Variants in PISD observed in about 807,000 individuals in gnomAD.
PISD encodes phosphatidylserine decarboxylase proenzyme, mitochondrial.
PISD carries 31 observed loss-of-function variants against 43.5 expected under a neutral mutation model. The observed-to-expected ratio is 0.71, with a 90% CI of 0.54 to 0.96. The LOEUF is 0.96. Among genes scored for constraint, PISD ranks in the 40% least tolerant of loss-of-function variants. The pLI, the probability that PISD is intolerant of heterozygous loss-of-function variation, is 0.00. For synonymous variants in PISD, 259 were observed against 228.7 expected, an observed-to-expected ratio of 1.13 and a Z score of -1.20; for missense variants, 523 against 548.4, an observed-to-expected ratio of 0.95 and a Z score of 0.46.
intron 3 of PISD, among the ~76,000 whole-genome samples, chr22:31,640,138 ACT>A (rs906745546): frequency 1.3e-5 from 2 of 151,008 alleles, no homozygotes; most frequent in African/African-American, 4.9e-5. Context: ...TAAAAGGAAC[ACT>A]CTGGGTCTTC....
intron 7 of PISD, 87 bp downstream of exon 7, chr22:31,620,466 C>A (rs2072484989): frequency 7.4e-7 from 1 of 1,356,616 alleles, no homozygotes; most frequent in Non-Finnish European, 1.0e-6. Context: ...AGAATTCAGT[C>A]CCAACGCATC....
chr22:31,657,614 C>T (rs1276550377), intron 1 of PISD, among the ~76,000 whole-genome samples: 1 of 152,072 alleles, frequency 6.6e-6, no homozygotes, highest in African/African-American at 2.4e-5. Flanking sequence ...CCTCTGACTC[C>T]CAGGTTCAAG....
At chr22:31,620,244 C>T (rs531989201) in intron 7 of PISD, among the ~76,000 whole-genome samples, 1 of 152,338 alleles carries the variant, frequency 6.6e-6, no homozygotes, top group African/African-American at 2.4e-5. Flanking sequence ...CTCAACACTC[C>T]CTTTCTGTTC....
chr22:31,635,589 G>A (rs1324111777), intron 3 of PISD, among the ~76,000 whole-genome samples: 2 of 152,188 alleles, frequency 1.3e-5, no homozygotes, highest in Non-Finnish European at 2.9e-5. Flanking sequence ...CAGCCACCAT[G>A]CCCCGCTGAG....
At chr22:31,626,767 C>T (rs1273447557) in intron 3 of PISD, among the ~76,000 whole-genome samples, 1 of 152,186 alleles carries the variant, frequency 6.6e-6, no homozygotes, top group African/African-American at 2.4e-5. Context: ...GCACAGATAG[C>T]GGAAGGAAGA....
Position 31,630,517 on chromosome 22 carries a change from C to G in PISD, c.322-8632G>C, listed in dbSNP as rs541995314. 113 of 167,700 alleles carry G rather than the reference C, an allele frequency of 6.7e-4. No individual in the cohort carries two copies. Among genetic ancestry groups the G allele is most frequent in the Middle Eastern group, 3.2e-3 (1 of 316 alleles). The allele number at this position is 167,700 out of a possible 1,614,324, so 10.4% of individuals were successfully genotyped here. A position where few individuals can be genotyped will look rare whatever the true frequency, so the allele number is the denominator to read the frequency against. On this transcript the variant is annotated intron_variant, in intron 3 of 7. Transcript: ENST00000439502. This position sits in a 1 kb window ranked among gnomAD's most constrained non-coding sequence, Gnocchi z 4.4. ...CACTTCCCGTACGCTCTTCACTTCC[C>G]GTACCCGCGCCCGGCAGGAGATAAG...
At chr22:31,635,431 T>C (rs2073399252) in intron 3 of PISD, among the ~76,000 whole-genome samples, 1 of 152,094 alleles carries the variant, frequency 6.6e-6, no homozygotes, top group Non-Finnish European at 1.5e-5. Flanking sequence ...GCCTCCCAAG[T>C]AGCTGGGACT....
At chr22:31,625,722 CG>C in intron 3 of PISD, 2 of 1,562,744 alleles carry the variant, frequency 1.3e-6, no homozygotes, top group Non-Finnish European at 1.7e-6. Flanking sequence ...GAGGTCGTGG[CG>C]GGGAACCGTG....
chr22:31,628,780 G>C (rs2073043597), intron 3 of PISD: 2 of 974,428 alleles, frequency 2.1e-6, no homozygotes, highest in South Asian at 4.7e-5. Context: ...CCATGGCCCA[G>C]AACAACTGCT....
In PISD at chr22:31,621,561, C is replaced by T. The variant is rs767532363; in HGVS notation, c.558+88G>A. The T allele has an allele frequency of 8.8e-6, 14 of 1,598,712 alleles. No individual in the cohort carries two copies. In the East Asian group the frequency reaches 2.5e-4, roughly 28 times the overall value. On this transcript the variant is annotated intron_variant, in intron 4 of 7. Coordinates refer to ENST00000439502, the MANE Select transcript of PISD (RefSeq NM_001326411.2). ...CCCACCTCCCCTTGTCATCCTGCCC[C>T]TTCCAGATACGCTGGAGACCAGGGG...
intron 3 of PISD, 65 bp downstream of exon 3, chr22:31,648,036 A>T: frequency 7.2e-7 from 1 of 1,392,848 alleles, no homozygotes; most frequent in Non-Finnish European, 9.9e-7. Context: ...ACTTTGGAAC[A>T]ACTGGAAAAG....
chr22:31,619,775 G>C lies in PISD; in HGVS notation c.1067C>G (p.Thr356Arg), dbSNP rs769287992. The C allele has an allele frequency of 3.7e-6, 6 of 1,614,196 alleles. No individual in the cohort carries two copies. The highest frequency in any genetic ancestry group is 5.1e-6 in the Non-Finnish European group (6 of 1,180,024). Residue 356 changes from threonine to arginine, a missense_variant, in exon 8 of 8, where the codon ACG (threonine) becomes AGG (arginine). Coordinates refer to ENST00000439502, the MANE Select transcript of PISD (RefSeq NM_001326411.2). ...KGSYNDFSFV[T>R]HTNREGVPMR... is the part of the protein sequence containing the mutation. ...GGGGACGCCCTCTCTATTGGTGTGC[G>C]TCACGAAGCTGAAGTCATTGTAGGA...
intron 3 of PISD, among the ~76,000 whole-genome samples, chr22:31,646,832 A>T (rs2147781127): frequency 6.6e-6 from 1 of 152,036 alleles, no homozygotes; most frequent in South Asian, 2.1e-4. Flanking sequence ...CTACATAATT[A>T]CCCTTCACCA....
At position 31,632,103 on chromosome 22, in the gene PISD, C is replaced by A. The variant is rs752005599; in HGVS notation, c.322-10218G>T. ...AGGAGGAGAGGGTCTGTAGGGCTTG[C>A]GGAGAAATGGTGTGGGGGCCACGCC... On this transcript the variant is annotated intron_variant, in intron 3 of 7. Transcript: ENST00000439502. The A allele has an allele frequency of 2.0e-4, 50 of 248,224 alleles. 1 individual carries two copies. Among genetic ancestry groups the A allele is most frequent in the Non-Finnish European group, 3.1e-4 (48 of 156,270 alleles). The allele number at this position is 248,224 out of a possible 1,614,324, so 15.4% of individuals were successfully genotyped here. A position where few individuals can be genotyped will look rare whatever the true frequency, so the allele number is the denominator to read the frequency against.
intron 3 of PISD, among the ~76,000 whole-genome samples, chr22:31,636,542 GT>G (rs1039903943): frequency 8.0e-6 from 1 of 125,106 alleles, no homozygotes; most frequent in African/African-American, 3.1e-5. Context: ...TCTGGGTTTT[GT>G]TTTTTTTTGT....
chr22:31,649,237 G>A (rs979932353), intron 2 of PISD, among the ~76,000 whole-genome samples: 1 of 151,852 alleles, frequency 6.6e-6, no homozygotes, highest in Non-Finnish European at 1.5e-5. Flanking sequence ...ATCAAAATGT[G>A]CAAAGGATTT....
intron 3 of PISD, among the ~76,000 whole-genome samples, chr22:31,637,269 G>A (rs1487133974): frequency 7.0e-6 from 1 of 143,314 alleles, no homozygotes; most frequent in East Asian, 2.1e-4. Context: ...AGGCTGAGGT[G>A]GGAGGATCGC....
intron 3 of PISD, among the ~76,000 whole-genome samples, chr22:31,635,509 G>T (rs1288540188): frequency 6.6e-6 from 1 of 152,092 alleles, no homozygotes; most frequent in Non-Finnish European, 1.5e-5. Context: ...CACCATGTTG[G>T]CCAGGCTCAT....
intron 3 of PISD, among the ~76,000 whole-genome samples, chr22:31,639,394 T>A (rs1332444597): frequency 6.6e-6 from 1 of 151,968 alleles, no homozygotes; most frequent in Non-Finnish European, 1.5e-5. Flanking sequence ...GGCTGGCTAA[T>A]TTTTTAATGT....
Sources: allele counts gnomAD v4.1 joint callset (sites outside exome capture counted in the v4.1 genomes callset), GRCh38; gene constraint gnomAD v4.1.1; non-coding constraint Gnocchi (gnomAD v3.1); transcripts MANE v1.5; gene names NCBI Gene and HGNC (gene_info 2026-07-23, HGNC 2026-07-21).